NDUFAF6: variants seen among roughly 807,000 people sequenced by gnomAD.
NDUFAF6 encodes the protein NADH dehydrogenase (ubiquinone) complex I, assembly factor 6.
NDUFAF6 carries 45 observed loss-of-function variants against 40.8 expected under a neutral mutation model. That is an observed-to-expected ratio of 1.10 (90% CI 0.87 to 1.42). The LOEUF is 1.42. NDUFAF6 is among the 40% of genes most tolerant of loss of function. The pLI is 0.00. For synonymous variants in NDUFAF6, 185 were observed against 155.9 expected (o/e 1.19, Z -1.39); for missense variants, 435 against 418.5 (o/e 1.04, Z -0.34).
chr8:94,991,354 C>T (rs1312843940), intron 2 of NDUFAF6, among the ~76,000 whole-genome samples: 1 of 152,184 alleles, frequency 6.6e-6, no homozygotes, highest in Non-Finnish European at 1.5e-5. Flanking sequence ...TGTGTTTGCT[C>T]AGGCAACAGT....
chr8:94,899,995 C>T (rs1485478049), intron 1 of NDUFAF6, among the ~76,000 whole-genome samples: 1 of 152,196 alleles, frequency 6.6e-6, no homozygotes, highest in East Asian at 1.9e-4. Flanking sequence ...TCATTCTCCC[C>T]ACCTCCATTG....
At chr8:94,925,346 T>C (rs1819796691) in intron 1 of NDUFAF6, among the ~76,000 whole-genome samples, 2 of 152,198 alleles carry the variant, frequency 1.3e-5, no homozygotes, top group Admixed American at 1.3e-4. Flanking sequence ...CATATTGTCC[T>C]AAAACACTTC....
intron 1 of NDUFAF6, among the ~76,000 whole-genome samples, chr8:94,964,428 CAAA>C (rs71569104): frequency 1.5e-4 from 10 of 68,962 alleles, no homozygotes; most frequent in African/African-American, 1.9e-4. Flanking sequence ...GACCCTGTCT[CAAA>C]AAAAAAAAAA....
intron 2 of NDUFAF6, among the ~76,000 whole-genome samples, chr8:94,948,136 C>T (rs1261592456): frequency 1.3e-5 from 2 of 152,184 alleles, no homozygotes; most frequent in African/African-American, 2.4e-5. Context: ...CCTTAATCCA[C>T]TCTGTATTGG....
chr8:95,006,074 A>G (rs1447609717), intron 2 of NDUFAF6, among the ~76,000 whole-genome samples: 1 of 152,048 alleles, frequency 6.6e-6, no homozygotes, highest in East Asian at 1.9e-4. Context: ...ACATCTCTGT[A>G]AGGCCAGGCG....
At chr8:94,926,648 CTA>C (rs994055740) in intron 1 of NDUFAF6, 1 of 152,184 alleles carries the variant, frequency 6.6e-6, no homozygotes, top group African/African-American at 2.4e-5. Flanking sequence ...AAATTCTCAA[CTA>C]TATACAAAAC....
intron 1 of NDUFAF6, among the ~76,000 whole-genome samples, chr8:94,958,522 CTTTTTTTTTTTTTTT>C (rs55703438): frequency 8.4e-5 from 6 of 71,244 alleles, no homozygotes; most frequent in African/African-American, 3.5e-4. Context: ...TAGTCACATT[CTTTTTTTTTTTTTTT>C]TTTTTTTTTT....
chr8:95,053,318 T>C (rs1290303164), intron 8 of NDUFAF6, among the ~76,000 whole-genome samples: 1 of 152,262 alleles, frequency 6.6e-6, no homozygotes. Context: ...ACCTTTCATA[T>C]ACATATAATC....
chr8:95,004,806 A>T (rs927646828), intron 2 of NDUFAF6, among the ~76,000 whole-genome samples: 1 of 152,232 alleles, frequency 6.6e-6, no homozygotes, highest in Non-Finnish European at 1.5e-5. Context: ...ACCCTACAAG[A>T]TTTAGCAACT....
Position 94,943,474 on chromosome 8 carries a change from G to A in NDUFAF6, c.-935-2009G>A, listed in dbSNP as rs1045719128. Among the ~76,000 whole-genome samples the A allele has an allele frequency of 7.3e-4, 111 of 152,224 alleles. 1 individual carries two copies. Among genetic ancestry groups the A allele is most frequent in the African/African-American group, 2.6e-3 (108 of 41,516 alleles). On this transcript the variant is annotated intron_variant, in intron 1 of 14. Coordinates refer to the NDUFAF6 transcript ENST00000396113. ...TGTACTCCAGTGTGAGTGACACAGC[G>A]AGACCTTGTCTCAAAAAAAAGTTAT...
At chr8:95,067,084 T>A (rs1832722445) in intron 9 of NDUFAF6, 1 of 152,216 alleles carries the variant, frequency 6.6e-6, no homozygotes, top group African/African-American at 2.4e-5. Context: ...TTTATTGAGA[T>A]CTTAATTCAC....
intron 2 of NDUFAF6, among the ~76,000 whole-genome samples, chr8:95,084,590 C>T (rs1359564821): frequency 3.9e-5 from 6 of 152,222 alleles, no homozygotes; most frequent in Non-Finnish European, 7.3e-5. Flanking sequence ...ATTGGCGTCA[C>T]TTTCCAATAC....
At chr8:94,998,585 G>T (rs944174336) in intron 2 of NDUFAF6, among the ~76,000 whole-genome samples, 2 of 152,136 alleles carry the variant, frequency 1.3e-5, no homozygotes, top group African/African-American at 2.4e-5. Flanking sequence ...GACATGGTGT[G>T]GGGCCCTAGT....
At chr8:94,986,610 T>C (rs993420230) in intron 2 of NDUFAF6, among the ~76,000 whole-genome samples, 4 of 152,350 alleles carry the variant, frequency 2.6e-5, no homozygotes, top group African/African-American at 9.6e-5. Context: ...AGCCACTAAG[T>C]CTAATAAAAA....
At chr8:94,901,627 G>C (rs911592634) in intron 1 of NDUFAF6, among the ~76,000 whole-genome samples, 71 of 152,156 alleles carry the variant, frequency 4.7e-4, no homozygotes, top group African/African-American at 1.6e-3. Context: ...TGTCACCCAG[G>C]CTGGAGTGCA....
chr8:95,038,459 C>G (rs984634535), intron 3 of NDUFAF6, among the ~76,000 whole-genome samples: 1 of 151,764 alleles, frequency 6.6e-6, no homozygotes, highest in South Asian at 2.1e-4. Flanking sequence ...CAGCTTTGAT[C>G]TCCCAGGCCC....
chr8:94,932,038 A>C, intron 1 of NDUFAF6: 1 of 1,600,430 alleles, frequency 6.2e-7, no homozygotes, highest in Non-Finnish European at 8.5e-7. Context: ...ATGCATACAT[A>C]TATCACACAG....
intron 1 of NDUFAF6, among the ~76,000 whole-genome samples, chr8:94,970,714 T>G (rs1313583131): frequency 3.3e-5 from 5 of 152,240 alleles, no homozygotes; most frequent in Admixed American, 3.3e-4. Flanking sequence ...TGGGAAGAAT[T>G]TATGGTAACA....
intron 4 of NDUFAF6, among the ~76,000 whole-genome samples, chr8:95,044,758 T>C (rs936660900): frequency 2.2e-5 from 3 of 138,376 alleles, no homozygotes; most frequent in Non-Finnish European, 4.8e-5. Context: ...ACCCAGCCTC[T>C]TTTTTTTTTT....
Sources: allele counts gnomAD v4.1 joint callset (sites outside exome capture counted in the v4.1 genomes callset), GRCh38; gene constraint gnomAD v4.1.1; transcripts MANE v1.5; gene names NCBI Gene and HGNC (gene_info 2026-07-23, HGNC 2026-07-21).